The following KCNMA1 variants were observed in gnomAD, a reference collection of about 807,000 sequenced individuals.
KCNMA1 encodes Calcium-activated potassium channel subunit alpha-1.
A neutral mutation model predicts 140.0 loss-of-function variants in KCNMA1; 29 were observed. The observed-to-expected ratio is 0.21, with a 90% CI of 0.15 to 0.28. The LOEUF (loss-of-function observed/expected upper bound fraction) is 0.28. KCNMA1 is among the 10% of genes least tolerant of loss of function. KCNMA1 has a pLI of 1.00. For synonymous variants in KCNMA1, 612 were observed against 611.9 expected (o/e 1.00, Z 0.00); for missense variants, 880 against 1,602.2 (o/e 0.55, Z 7.70).
At chr10:77,015,811 CT>C (rs1399003858) in intron 17 of KCNMA1, among the ~76,000 whole-genome samples, 2 of 152,034 alleles carry the variant, frequency 1.3e-5, no homozygotes, top group Non-Finnish European at 2.9e-5. Context: ...TCTGCACACT[CT>C]CCCAAATACA....
At chr10:77,109,089 G>A (rs2097260100) in intron 8 of KCNMA1, among the ~76,000 whole-genome samples, 1 of 150,584 alleles carries the variant, frequency 6.6e-6, no homozygotes, top group South Asian at 2.1e-4. Context: ...AAGCTCAAAA[G>A]GGAAATTTAG....
intron 1 of KCNMA1, among the ~76,000 whole-genome samples, chr10:77,551,126 C>A (rs575725817): frequency 6.6e-6 from 1 of 152,254 alleles, no homozygotes; most frequent in African/African-American, 2.4e-5. Flanking sequence ...GCCACCACAC[C>A]CAGCTACCAC....
At chr10:77,083,013 G>A (rs1414644167) in intron 12 of KCNMA1, among the ~76,000 whole-genome samples, 2 of 152,190 alleles carry the variant, frequency 1.3e-5, no homozygotes, top group African/African-American at 4.8e-5. Flanking sequence ...TGCAAACATT[G>A]TCAGGATGTA....
chr10:77,210,836 A>G (rs751551338), intron 3 of KCNMA1, among the ~76,000 whole-genome samples: 1 of 152,164 alleles, frequency 6.6e-6, no homozygotes, highest in Non-Finnish European at 1.5e-5. Flanking sequence ...AAAATAAAAT[A>G]CCTAGGAGCA....
intron 15 of KCNMA1, among the ~76,000 whole-genome samples, chr10:77,037,930 C>T (rs2094440732): frequency 6.6e-6 from 1 of 152,146 alleles, no homozygotes. Context: ...CTCTCAGTGG[C>T]AGGAAGAGAA....
In KCNMA1 at chr10:76,949,202, A is replaced by G. The variant is rs987376990; in HGVS notation, c.2649T>C (p.Ile883=). ...TCTCCCATTCCCGCTTGAGGTACTC[A>G]ATAGAGCCCACAAACACAATGTGCT... ...ELKHIVFVGS[I]EYLKREWETL... is the part of the protein sequence containing the mutation. Residue 883 remains isoleucine (I), a synonymous_variant, in exon 22 of 28, where the codon ATT becomes ATC. Coordinates refer to ENST00000286628, the MANE Select transcript of KCNMA1 (RefSeq NM_001161352.2). 15 of 1,614,240 alleles carry G rather than the reference A, an allele frequency of 9.3e-6. No homozygotes were observed. Among genetic ancestry groups the G allele is most frequent in the Non-Finnish European group, 1.2e-5 (14 of 1,180,032 alleles).
chr10:77,039,677 CGGT>C (rs2094535483), intron 14 of KCNMA1, 40 bp from the exon 15 acceptor site: 1 of 1,284,858 alleles, frequency 7.8e-7, no homozygotes, highest in African/African-American at 1.5e-5. Flanking sequence ...TAAAATATGA[CGGT>C]GGGCTGTAAA....
chr10:77,390,437 ATC>A (rs2095778574), intron 2 of KCNMA1, among the ~76,000 whole-genome samples: 1 of 152,130 alleles, frequency 6.6e-6, no homozygotes, highest in African/African-American at 2.4e-5. Context: ...TCCTGGAGAG[ATC>A]TCAGGTGGCC....
chr10:77,618,182 T>C (rs2673488), intron 1 of KCNMA1, among the ~76,000 whole-genome samples: 87,246 of 151,992 alleles, frequency 0.57, 26,753 homozygotes, highest in African/African-American at 0.78. Flanking sequence ...AGCCGGGGTC[T>C]TTAATGACTG....
chr10:76,956,458 A>G (rs1565178041), intron 20 of KCNMA1, among the ~76,000 whole-genome samples: 1 of 152,100 alleles, frequency 6.6e-6, no homozygotes, highest in African/African-American at 2.4e-5. Context: ...GATTTCCCCC[A>G]AGAGACTGAC....
At chr10:77,120,279 G>C (rs969210423) in intron 6 of KCNMA1, among the ~76,000 whole-genome samples, 2 of 152,148 alleles carry the variant, frequency 1.3e-5, no homozygotes, top group African/African-American at 2.4e-5. Flanking sequence ...AGCTCTGCAA[G>C]CCGGCAGGTC....
chr10:77,451,700 ATGTTCAAGCACCTGCCTCACC>A (rs1244121170), intron 1 of KCNMA1, among the ~76,000 whole-genome samples: 1 of 149,606 alleles, frequency 6.7e-6, no homozygotes, highest in Non-Finnish European at 1.5e-5. Context: ...TGTGAATCAC[ATGTTCAAGCACCTGCCTCACC>A]TGTTTTATGG....
At chr10:77,383,129 T>G (rs2095485347) in intron 2 of KCNMA1, among the ~76,000 whole-genome samples, 1 of 151,198 alleles carries the variant, frequency 6.6e-6, no homozygotes, top group South Asian at 2.1e-4. Context: ...GTTGATTGCC[T>G]CCTAACAGTC....
chr10:77,500,502 G>A (rs2043481594), intron 1 of KCNMA1, among the ~76,000 whole-genome samples: 1 of 152,092 alleles, frequency 6.6e-6, no homozygotes, highest in Non-Finnish European at 1.5e-5. Flanking sequence ...TAAAAAGCAA[G>A]CTAAGGAGTG....
At chr10:76,907,441 A>C (rs2048253089) in intron 25 of KCNMA1, among the ~76,000 whole-genome samples, 1 of 152,192 alleles carries the variant, frequency 6.6e-6, no homozygotes, top group African/African-American at 2.4e-5. Flanking sequence ...CCAGTGCTCA[A>C]ACCGATTTTA....
chr10:77,157,381 C>CT (rs1357146078), intron 5 of KCNMA1, among the ~76,000 whole-genome samples: 1 of 152,158 alleles, frequency 6.6e-6, no homozygotes, highest in Non-Finnish European at 1.5e-5. Flanking sequence ...GTTTGTCTAA[C>CT]TTATTTACTT....
chr10:77,229,336 CAAAAA>C (rs146613662), intron 3 of KCNMA1, among the ~76,000 whole-genome samples: 7,335 of 123,786 alleles, frequency 0.059, 529 homozygotes, highest in East Asian at 0.42. Flanking sequence ...AAGCCCATGG[CAAAAA>C]AAAAAAAAAA....
At chr10:77,142,269 G>T (rs887451738) in intron 5 of KCNMA1, among the ~76,000 whole-genome samples, 2 of 151,958 alleles carry the variant, frequency 1.3e-5, no homozygotes, top group African/African-American at 4.8e-5. Flanking sequence ...TACTCAGGAG[G>T]CTGAGGCAGG....
intron 1 of KCNMA1, among the ~76,000 whole-genome samples, chr10:77,572,324 C>T (rs538642123): frequency 5.3e-5 from 8 of 151,788 alleles, no homozygotes; most frequent in African/African-American, 1.5e-4. Context: ...GGCTTCATAG[C>T]CATCACTCAG....
Sources: allele counts gnomAD v4.1 joint callset (sites outside exome capture counted in the v4.1 genomes callset), GRCh38; gene constraint gnomAD v4.1.1; transcripts MANE v1.5; gene names NCBI Gene and HGNC (gene_info 2026-07-23, HGNC 2026-07-21).